The following CYP4V2 variants were observed in gnomAD, a reference collection of about 807,000 sequenced individuals.
CYP4V2 encodes the protein cytochrome P450 family 4 subfamily V member 2.
A neutral mutation model predicts 60.8 loss-of-function variants in CYP4V2; 55 were observed. The ratio of observed to expected loss-of-function variants is 0.90; its 90% CI spans 0.73 to 1.13. The LOEUF (loss-of-function observed/expected upper bound fraction) is 1.13. CYP4V2 is among the 50% of genes most tolerant of loss of function. The pLI is 0.00. For missense variants in CYP4V2, 675 were observed against 662.9 expected, an observed-to-expected ratio of 1.02 and a Z score of -0.20; for synonymous variants, 239 against 236.8, an observed-to-expected ratio of 1.01 and a Z score of -0.08.
At chr4:186,198,909 A>G (rs1310622530) in intron 5 of CYP4V2, 48 bp from the exon 6 acceptor site, 1 of 1,613,012 alleles carries the variant, frequency 6.2e-7, no homozygotes, top group Admixed American at 1.7e-5. Context: ...TGCTCAAGAA[A>G]TACACATTTC....
At chr4:186,205,415 C>T (rs1736469090) in intron 8 of CYP4V2, 113 bp downstream of exon 8, 3 of 1,041,036 alleles carry the variant, frequency 2.9e-6, no homozygotes, top group Admixed American at 1.8e-5. Flanking sequence ...GGATCCTTTC[C>T]AGTACCATCC....
At chr4:186,193,134 C>T (rs1369593504) in intron 1 of CYP4V2, among the ~76,000 whole-genome samples, 1 of 78,022 alleles carries the variant, frequency 1.3e-5, no homozygotes, top group Non-Finnish European at 3.3e-5. Context: ...ATGAAAATCA[C>T]ACTGGTAAAA....
chr4:186,201,360 G>C lies in CYP4V2; in HGVS notation c.987+18G>C. ...TGTTTGAGGTATTGTATATTGTTAG[G>C]TTCAGATATCATTAAACAAATTTCA... is the stretch of plus-strand genomic sequence containing the variant. On this transcript the variant is annotated intron_variant, in intron 7 of 10. Coordinates refer to ENST00000378802, the MANE Select transcript of CYP4V2 (RefSeq NM_207352.4). 2 of 1,612,172 alleles carry C rather than the reference G, an allele frequency of 1.2e-6. No individual in the cohort carries two copies. Among genetic ancestry groups the C allele is most frequent in the Non-Finnish European group, 1.7e-6 (2 of 1,178,982 alleles).
chr4:186,210,892 A>AGTG lies in CYP4V2; in HGVS notation c.*255_*257dup. 2.4e-6 allele frequency: 1 copy of AGTG among 413,912 alleles called. No individual in the cohort carries two copies. The highest frequency in any genetic ancestry group is 4.4e-6 in the Non-Finnish European group (1 of 227,616). The allele number at this position is 413,912 out of a possible 1,614,324, so 25.6% of individuals were successfully genotyped here. A position where few individuals can be genotyped will look rare whatever the true frequency, so the allele number is the denominator to read the frequency against. On this transcript the variant is annotated 3_prime_UTR_variant, in exon 11 of 11. Transcript: ENST00000378802. Reference sequence around the variant, plus strand: ...TCTGTCGCCCAGGCTGGAGGAGTGCAGTGGTGTGATCTCAGCTCACTGCAA... The same window carrying AGTG: ...TCTGTCGCCCAGGCTGGAGGAGTGCAGTGGTGGTGTGATCTCAGCTCACTGCAA...
At position 186,194,538 on chromosome 4, in the gene CYP4V2, C is replaced by G; in HGVS notation, c.253C>G (p.Arg85Gly). 1 of 1,614,102 alleles carries G rather than the reference C, an allele frequency of 6.2e-7. No homozygotes were observed. Among genetic ancestry groups the G allele is most frequent in the Non-Finnish European group, 8.5e-7 (1 of 1,180,000 alleles). ...QQIIEYTEEY[R>G]HMPLLKLWVG... ...GATCATTGAGTACACAGAGGAATAC[C>G]GCCACATGCCGCTGCTGAAGCTCTG... is the stretch of plus-strand genomic sequence containing the variant. The change falls in exon 2 of 11, where the codon CGC (arginine) becomes GGC (glycine). Residue 85 changes from arginine (R) to glycine (G), a missense_variant. Physicochemically the swap from Arg to Gly is moderately radical, Grantham distance 125. Coordinates refer to ENST00000378802, the MANE Select transcript of CYP4V2 (RefSeq NM_207352.4).
intron 8 of CYP4V2, among the ~76,000 whole-genome samples, 168 bp downstream of exon 8, chr4:186,205,470 G>A (rs1044576369): frequency 6.6e-6 from 1 of 152,158 alleles, no homozygotes; most frequent in Non-Finnish European, 1.5e-5. Context: ...TCTGCCAGTC[G>A]CCTGGCAAGT....
intron 3 of CYP4V2, chr4:186,196,508 A>G (rs1736150850): frequency 3.3e-6 from 1 of 303,950 alleles, no homozygotes; most frequent in Admixed American, 4.7e-5. Flanking sequence ...AGGGCCCCAC[A>G]AGAGCAAGGC....
At chr4:186,192,109 A>T in intron 1 of CYP4V2, 72 bp downstream of exon 1, 1 of 1,512,730 alleles carries the variant, frequency 6.6e-7, no homozygotes, top group Non-Finnish European at 8.9e-7. Context: ...TCAGCCAGGA[A>T]CCCGCTGCTT....
rs1282528893 is a variant in CYP4V2 at position 186,211,656 on chromosome 4, T to TACACACACACACACACAC, written c.*1022_*1023insCACACACACACACACACA. Reference sequence around the variant, plus strand: ...AAAGGTATTCATGGTGACTCAGGAATACACACATACACACACACACACACA... The same window carrying TACACACACACACACACAC: ...AAAGGTATTCATGGTGACTCAGGAATACACACACACACACACACACACACATACACACACACACACACA... On this transcript the variant is annotated 3_prime_UTR_variant, in exon 11 of 11. Transcript: ENST00000378802. The TACACACACACACACACAC allele has an allele frequency of 6.5e-5, 4 of 61,796 alleles. No homozygotes were observed. Among genetic ancestry groups the TACACACACACACACACAC allele is most frequent in the Admixed American group, 3.8e-4 (2 of 5,252 alleles). The allele number at this position is 61,796 out of a possible 1,614,324, so 3.8% of individuals were successfully genotyped here.
Position 186,197,565 on chromosome 4 carries a change from A to T in CYP4V2, c.637A>T (p.Ser213Cys). The part of the protein sequence containing the change: ...TAMGKNIGAQ[S>C]NDDSEYVRAV... ...TATGGGGAAGAATATTGGTGCTCAAAGTAATGATGATTCCGAGTATGTCCG... is the reference window on the plus strand; with the variant it reads ...TATGGGGAAGAATATTGGTGCTCAATGTAATGATGATTCCGAGTATGTCCG... Residue 213 changes from serine to cysteine, a missense_variant, in exon 5 of 11, where the codon AGT (serine) becomes TGT (cysteine). Ser to Cys is a moderately radical substitution (Grantham distance 112). Coordinates refer to ENST00000378802, the MANE Select transcript of CYP4V2 (RefSeq NM_207352.4). 1 of 1,614,254 alleles carries T rather than the reference A, an allele frequency of 6.2e-7. No individual in the cohort carries two copies. Among genetic ancestry groups the T allele is most frequent in the Non-Finnish European group, 8.5e-7 (1 of 1,180,038 alleles).
intron 7 of CYP4V2, 106 bp from the exon 8 acceptor site, chr4:186,205,094 A>ACAGTG (rs1468629400): frequency 4.9e-6 from 5 of 1,022,386 alleles, no homozygotes; most frequent in Non-Finnish European, 7.7e-6. Context: ...GTTTGCAGTC[A>ACAGTG]CAGTGCAGTC....
chr4:186,204,687 C>A (rs1162953459), intron 7 of CYP4V2: 1 of 215,620 alleles, frequency 4.6e-6, no homozygotes, highest in South Asian at 7.7e-5. Context: ...CAGATTAATT[C>A]AGTTTCTGCA....
At chr4:186,196,340 A>G in intron 3 of CYP4V2, 1 of 527,566 alleles carries the variant, frequency 1.9e-6, no homozygotes, top group Non-Finnish European at 3.4e-6. Context: ...AGGAAGACTC[A>G]GGAGGTCCTG....
rs1318796504 is a variant in CYP4V2 at position 186,212,206 on chromosome 4, A to G, written c.*1565A>G. 1 of 152,200 alleles carries G rather than the reference A, an allele frequency of 6.6e-6. No individual in the cohort carries two copies. Among genetic ancestry groups the G allele is most frequent in the Non-Finnish European group, 1.5e-5 (1 of 68,042 alleles). 9.4% of individuals were successfully genotyped at this position (152,200 alleles called of 1,614,324 possible). ...TTCTACTACAATATGCTATAGCTTT[A>G]TGGAACTCAGGGTGATGATCAGACG... On this transcript the variant is annotated 3_prime_UTR_variant, in exon 11 of 11. Transcript: ENST00000378802.
At position 186,209,290 on chromosome 4, in the gene CYP4V2, T is replaced by A. The variant is rs72646293; in HGVS notation, c.1405+18T>A. On this transcript the variant is annotated intron_variant, in intron 10 of 10. Coordinates refer to ENST00000378802, the MANE Select transcript of CYP4V2 (RefSeq NM_207352.4). Reference sequence around the variant, plus strand: ...CTGTATAGGTTTGTATCCATCTGAATTGGTTTGACCTTTCAGGCCCACTTG... The same window carrying A: ...CTGTATAGGTTTGTATCCATCTGAAATGGTTTGACCTTTCAGGCCCACTTG... The A allele has an allele frequency of 3.2e-3, 5,194 of 1,613,900 alleles. 142 individuals carry two copies. In the African/African-American group the frequency reaches 0.061, roughly 19 times the overall value.
At chr4:186,196,275 C>CGTT in intron 3 of CYP4V2, 187 bp downstream of exon 3, 1 of 640,464 alleles carries the variant, frequency 1.6e-6, no homozygotes, top group Non-Finnish European at 2.8e-6. Context: ...GCCAAGAGTC[C>CGTT]AGGTGAACAG....
At chr4:186,201,677 C>T in intron 7 of CYP4V2, 1 of 268,252 alleles carries the variant, frequency 3.7e-6, no homozygotes, top group Non-Finnish European at 7.2e-6. Context: ...ACCTCCCAGA[C>T]ATGCAAGTCC....
intron 7 of CYP4V2, chr4:186,203,388 G>C (rs899515228): frequency 7.2e-5 from 11 of 153,056 alleles, no homozygotes; most frequent in South Asian, 4.1e-4. Context: ...GGTCGGTGCA[G>C]GCTGTGAGTG....
intron 5 of CYP4V2, among the ~76,000 whole-genome samples, chr4:186,198,358 C>T (rs1446225672): frequency 1.3e-5 from 2 of 152,144 alleles, no homozygotes; most frequent in East Asian, 3.8e-4. Context: ...AAGAAAAGAT[C>T]AAATTGATAC....
Sources: gnomAD v4.1 joint callset for allele counts (sites outside exome capture counted in the v4.1 genomes callset) on GRCh38, gnomAD v4.1.1 for gene constraint, MANE v1.5 for transcripts, NCBI Gene and HGNC (gene_info 2026-07-23, HGNC 2026-07-21) for gene names.